PLA2G7: variants seen among roughly 807,000 people sequenced by gnomAD.
The protein encoded by PLA2G7 is phospholipase A2 group VII.
In PLA2G7, 63 loss-of-function variants were observed where a neutral mutation model predicts 49.6. The ratio of observed to expected loss-of-function variants is 1.27; its 90% CI spans 1.04 to 1.57. PLA2G7 has a LOEUF of 1.57. Ranked by LOEUF, PLA2G7 falls within the 40% of genes most tolerant of loss-of-function variation. PLA2G7 has a pLI of 0.00. For missense variants in PLA2G7, 596 were observed against 521.2 expected (o/e 1.14, Z -1.40); for synonymous variants, 193 against 169.9 (o/e 1.14, Z -1.06).
intron 1 of PLA2G7, among the ~76,000 whole-genome samples, chr6:46,730,222 T>C (rs1382531340): frequency 6.6e-6 from 1 of 152,250 alleles, no homozygotes; most frequent in Non-Finnish European, 1.5e-5. Flanking sequence ...TTACTTTTAA[T>C]GTGGAAAACC....
At chr6:46,732,342 C>A (rs1035170896) in intron 1 of PLA2G7, among the ~76,000 whole-genome samples, 1 of 148,634 alleles carries the variant, frequency 6.7e-6, no homozygotes, top group African/African-American at 2.5e-5. Context: ...AGAAGCTAGG[C>A]CCCTCCCATA....
At chr6:46,718,724 C>T (rs1011359652) in intron 2 of PLA2G7, among the ~76,000 whole-genome samples, 1 of 152,232 alleles carries the variant, frequency 6.6e-6, no homozygotes, top group Non-Finnish European at 1.5e-5. Context: ...ATTTCATCCT[C>T]AATATTACAT....
Position 46,722,901 on chromosome 6 carries a change from T to C in PLA2G7, c.-10A>G, listed in dbSNP as rs769843870. ...ATTTGGGTGGCACCATCTTGGGAGC[T>C]GAGCAGCAGTTTCAGCTTAGTCTCC... On this transcript the variant is annotated 5_prime_UTR_variant, in exon 2 of 12. Coordinates refer to ENST00000274793, the MANE Select transcript of PLA2G7 (RefSeq NM_005084.4). 3 of 1,538,938 alleles carry C rather than the reference T, an allele frequency of 1.9e-6. No individual in the cohort carries two copies. The highest frequency in any genetic ancestry group is 2.7e-6 in the Non-Finnish European group (3 of 1,112,116).
intron 1 of PLA2G7, among the ~76,000 whole-genome samples, chr6:46,728,807 T>C (rs1765645295): frequency 6.6e-6 from 1 of 152,218 alleles, no homozygotes; most frequent in Admixed American, 6.5e-5. Flanking sequence ...ACATGATGGT[T>C]AGGTTAAGGT....
chr6:46,712,510 A>T (rs72869735), intron 5 of PLA2G7, among the ~76,000 whole-genome samples, 173 bp from the exon 6 acceptor site: 3 of 152,238 alleles, frequency 2.0e-5, no homozygotes, highest in Non-Finnish European at 2.9e-5. Flanking sequence ...GGGATATTTG[A>T]CAATGTCTGG....
Position 46,712,291 on chromosome 6 carries a change from T to C in PLA2G7, c.517A>G (p.Ile173Val). Residue 173 changes from isoleucine (I) to valine (V), a missense_variant, in exon 6 of 12, where the codon ATA becomes GTA. By Grantham distance (29) the Ile-to-Val change is conservative. Transcript: ENST00000274793. Reference sequence around the variant, plus strand: ...TACCTGTGTTCTACAGCAGCAACTATAAACCCATGAGATGCCAGGTCAATG... The same window carrying C: ...TACCTGTGTTCTACAGCAGCAACTACAAACCCATGAGATGCCAGGTCAATG... ...IGIDLASHGF[I>V]VAAVEHRDRS... 4 of 1,612,536 alleles carry C rather than the reference T, an allele frequency of 2.5e-6. No individual in the cohort carries two copies. Among genetic ancestry groups the C allele is most frequent in the Non-Finnish European group, 2.5e-6 (3 of 1,178,712 alleles).
chr6:46,716,055 G>A (rs1765189222), intron 4 of PLA2G7, among the ~76,000 whole-genome samples: 1 of 152,114 alleles, frequency 6.6e-6, no homozygotes, highest in African/African-American at 2.4e-5. Flanking sequence ...AGAGCATGCG[G>A]GATAGTGGCC....
At chr6:46,712,921 G>T (rs181235148) in intron 5 of PLA2G7, among the ~76,000 whole-genome samples, 4 of 152,288 alleles carry the variant, frequency 2.6e-5, no homozygotes, top group Non-Finnish European at 4.4e-5. Context: ...TTGAACCCTG[G>T]TTCTACCACT....
chr6:46,722,901 T>G lies in PLA2G7; in HGVS notation c.-10A>C. Reference sequence around the variant, plus strand: ...ATTTGGGTGGCACCATCTTGGGAGCTGAGCAGCAGTTTCAGCTTAGTCTCC... The same window carrying G: ...ATTTGGGTGGCACCATCTTGGGAGCGGAGCAGCAGTTTCAGCTTAGTCTCC... On this transcript the variant is annotated 5_prime_UTR_variant, in exon 2 of 12. Transcript: ENST00000274793. 2 of 1,538,938 alleles carry G rather than the reference T, an allele frequency of 1.3e-6. No homozygotes were observed. Among genetic ancestry groups the G allele is most frequent in the South Asian group, 1.1e-5 (1 of 89,302 alleles).
At chr6:46,733,564 A>T (rs908333800) in intron 1 of PLA2G7, among the ~76,000 whole-genome samples, 1 of 152,192 alleles carries the variant, frequency 6.6e-6, no homozygotes, top group Non-Finnish European at 1.5e-5. Context: ...TGGTGCACAA[A>T]TATCTGGGGA....
chr6:46,709,044 AATTATATAAAG>A (rs1223066173), intron 9 of PLA2G7, among the ~76,000 whole-genome samples: 8 of 152,312 alleles, frequency 5.3e-5, no homozygotes, highest in Non-Finnish European at 1.2e-4. Context: ...TGTCACAAAA[AATTATATAAAG>A]ATAAATTTTT....
At position 46,718,794 on chromosome 6, in the gene PLA2G7, C is replaced by A. The variant is rs565501459; in HGVS notation, c.110-1698G>T. On this transcript the variant is annotated intron_variant, in intron 2 of 11. Coordinates refer to ENST00000274793, the MANE Select transcript of PLA2G7 (RefSeq NM_005084.4). The stretch of plus-strand genomic sequence containing the variant: ...ATCATTCTTCCTGTCACATATTAAA[C>A]TTATGTGTCTGCATGCTACACTAGG... Among the ~76,000 whole-genome samples, 30 of 152,304 alleles carry A rather than the reference C, an allele frequency of 2.0e-4. No homozygotes were observed. In the South Asian group the frequency reaches 2.5e-3, roughly 13 times the overall value.
At chr6:46,731,806 G>C (rs1458784044) in intron 1 of PLA2G7, among the ~76,000 whole-genome samples, 1 of 152,056 alleles carries the variant, frequency 6.6e-6, no homozygotes, top group Non-Finnish European at 1.5e-5. Flanking sequence ...AGTGGACCAG[G>C]TATAGCAATC....
intron 9 of PLA2G7, 41 bp downstream of exon 9, chr6:46,709,286 A>G (rs150874247): frequency 9.1e-7 from 1 of 1,098,842 alleles, no homozygotes; most frequent in South Asian, 1.2e-5. Context: ...ATTTCTTCCA[A>G]TAATTTACTA....
chr6:46,732,025 ACATCT>A (rs1765749430), intron 1 of PLA2G7, among the ~76,000 whole-genome samples: 1 of 152,142 alleles, frequency 6.6e-6, no homozygotes, highest in African/African-American at 2.4e-5. Flanking sequence ...CAATTATGTC[ACATCT>A]CTGCTTCAAA....
At chr6:46,730,510 T>G (rs533124139) in intron 1 of PLA2G7, among the ~76,000 whole-genome samples, 50 of 152,218 alleles carry the variant, frequency 3.3e-4, no homozygotes, top group African/African-American at 1.0e-3. Flanking sequence ...GACAGGTAAT[T>G]TAAATGAATC....
At position 46,708,026 on chromosome 6, in the gene PLA2G7, G is replaced by T; in HGVS notation, c.1005C>A (p.Tyr335Ter). The T allele has an allele frequency of 6.3e-7, 1 of 1,585,858 alleles. No individual in the cohort carries two copies. Among genetic ancestry groups the T allele is most frequent in the Non-Finnish European group, 8.7e-7 (1 of 1,154,776 alleles). ...PANIIKMKKC[Y>*]SPDKERKMIT... ...TCATCTTTCTTTCTTTATCAGGTGAGTAGCATTTTTTCATTTTTATGATAT... is the reference window on the plus strand; with the variant it reads ...TCATCTTTCTTTCTTTATCAGGTGATTAGCATTTTTTCATTTTTATGATAT... Residue 335 changes from tyrosine (Y) to a stop codon, truncating the protein, a stop_gained, in exon 10 of 12, where the codon TAC (tyrosine) becomes TAA (stop). Transcript: ENST00000274793. LOFTEE classifies it high-confidence loss of function.
rs45559735 is a variant in PLA2G7, at chr6:46,722,128, C to T, written c.109+655G>A. On this transcript the variant is annotated intron_variant, in intron 2 of 11. Coordinates refer to ENST00000274793, the MANE Select transcript of PLA2G7 (RefSeq NM_005084.4). ...TGTAGCCGTCTAAAGATGGCTGTCCCGTTTTGGCCACTCCTCCTGGGTTAG... is the reference window on the plus strand; with the variant it reads ...TGTAGCCGTCTAAAGATGGCTGTCCTGTTTTGGCCACTCCTCCTGGGTTAG... Among the ~76,000 whole-genome samples, 576 of 152,244 alleles carry T rather than the reference C, an allele frequency of 3.8e-3. 2 individuals are homozygous for T. The highest frequency in any genetic ancestry group is 0.013 in the African/African-American group (542 of 41,528).
chr6:46,725,673 C>T (rs6923031), intron 1 of PLA2G7, among the ~76,000 whole-genome samples: 76,394 of 152,004 alleles, frequency 0.5, 21,392 homozygotes, highest in African/African-American at 0.75. Context: ...TTCAGTATTA[C>T]ATTTAATTAT....
Sources: allele counts gnomAD v4.1 joint callset (sites outside exome capture counted in the v4.1 genomes callset), GRCh38; gene constraint gnomAD v4.1.1; transcripts MANE v1.5; gene names NCBI Gene and HGNC (gene_info 2026-07-23, HGNC 2026-07-21).